The following COPS7B variants were observed in gnomAD, a reference collection of about 807,000 sequenced individuals.
COPS7B encodes the protein COP9 signalosome complex subunit 7b.
A neutral mutation model predicts 33.4 loss-of-function variants in COPS7B; 9 were observed. The ratio of observed to expected loss-of-function variants is 0.27; its 90% CI spans 0.16 to 0.47. COPS7B has a LOEUF of 0.47. Among genes scored for constraint, COPS7B ranks in the 20% least tolerant of loss-of-function variants. The pLI is 0.99. For synonymous variants in COPS7B, 119 were observed against 126.3 expected (o/e 0.94, Z 0.39); for missense variants, 242 against 318.2 (o/e 0.76, Z 1.82).
chr2:231,792,784 T>C (rs2049455660), intron 3 of COPS7B, among the ~76,000 whole-genome samples: 1 of 152,182 alleles, frequency 6.6e-6, no homozygotes, highest in Non-Finnish European at 1.5e-5. Flanking sequence ...AAACACTAAC[T>C]TACCTTCTAC....
chr2:231,784,592 C>T (rs1159965955), upstream of COPS7B, among the ~76,000 whole-genome samples: 1 of 152,178 alleles, frequency 6.6e-6, no homozygotes, highest in East Asian at 1.9e-4. Context: ...TCACACTAAA[C>T]TCACTTGTCT....
upstream of COPS7B, among the ~76,000 whole-genome samples, chr2:231,784,942 A>G (rs1375122417): frequency 6.6e-6 from 1 of 152,186 alleles, no homozygotes; most frequent in Non-Finnish European, 1.5e-5. Context: ...CCTCCAGAGT[A>G]GCTGAGATTA....
intron 6 of COPS7B, among the ~76,000 whole-genome samples, chr2:231,800,914 C>G (rs1203241608): frequency 1.3e-5 from 2 of 152,180 alleles, no homozygotes; most frequent in African/African-American, 4.8e-5. Flanking sequence ...TTAGCAAATG[C>G]ATGATCTGGC....
In COPS7B at chr2:231,786,454, G is replaced by A; in HGVS notation, c.-101G>A. 1.0e-6 allele frequency: 1 copy of A among 986,052 alleles called. No homozygotes were observed. The highest frequency in any genetic ancestry group is 1.2e-6 in the Non-Finnish European group (1 of 830,098). The allele number at this position is 986,052 out of a possible 1,614,324, so 61.1% of individuals were successfully genotyped here. ...GAGACAGAAAAGCGCCGGACGCCGGGGTGATCATGGACGCTTGACAACCTG... is the reference window on the plus strand; with the variant it reads ...GAGACAGAAAAGCGCCGGACGCCGGAGTGATCATGGACGCTTGACAACCTG... On this transcript the variant is annotated 5_prime_UTR_variant, in exon 1 of 7. Coordinates refer to ENST00000350033, the MANE Select transcript of COPS7B (RefSeq NM_022730.4).
chr2:231,785,882 A>C (rs2049227377), upstream of COPS7B, among the ~76,000 whole-genome samples: 3 of 152,318 alleles, frequency 2.0e-5, no homozygotes, highest in East Asian at 5.8e-4. Flanking sequence ...TTATTTTAAA[A>C]CATTTTCTGA....
rs754700543 is a variant in COPS7B, at chr2:231,796,117, C to T, written c.339C>T (p.Tyr113=). ...SLASRMKCIP[Y]SVLLKDLEMR... The stretch of plus-strand genomic sequence containing the variant: ...GGCCTTATCTACAGTGTATCCCCTA[C>T]TCCGTGTTGCTGAAAGACCTGGAGA... Residue 113 remains tyrosine, a synonymous_variant, in exon 5 of 7, where the codon TAC becomes TAT. Coordinates refer to ENST00000350033, the MANE Select transcript of COPS7B (RefSeq NM_022730.4). 7 of 1,613,782 alleles carry T rather than the reference C, an allele frequency of 4.3e-6. No individual in the cohort carries two copies. The highest frequency in any genetic ancestry group is 2.2e-5 in the East Asian group (1 of 44,876).
At chr2:231,800,983 A>G (rs1158979172) in intron 6 of COPS7B, among the ~76,000 whole-genome samples, 2 of 152,224 alleles carry the variant, frequency 1.3e-5, no homozygotes, top group African/African-American at 4.8e-5. Context: ...TACTCACCAA[A>G]TAGCTACTGA....
intron 6 of COPS7B, among the ~76,000 whole-genome samples, chr2:231,799,249 A>G (rs1022695472): frequency 1.3e-5 from 2 of 152,214 alleles, no homozygotes; most frequent in African/African-American, 4.8e-5. Context: ...GCTATAGAGC[A>G]AAAGAAAATG....
intron 4 of COPS7B, among the ~76,000 whole-genome samples, chr2:231,795,745 T>G (rs886117036): frequency 2.0e-5 from 3 of 152,188 alleles, no homozygotes; most frequent in Admixed American, 6.5e-5. Context: ...GTTGGAGATT[T>G]ATGGTGATCT....
chr2:231,786,634 C>A, intron 1 of COPS7B, 96 bp downstream of exon 1: 1 of 518,884 alleles, frequency 1.9e-6, no homozygotes, highest in Non-Finnish European at 2.5e-6. Context: ...AGCCCGCGGC[C>A]GTGCCCGCCC....
intron 3 of COPS7B, chr2:231,792,036 C>T (rs2049432386): frequency 1.5e-6 from 1 of 667,708 alleles, no homozygotes; most frequent in Non-Finnish European, 2.8e-6. Context: ...ACAAATGTAG[C>T]CCTTGTTTGT....
intron 6 of COPS7B, among the ~76,000 whole-genome samples, chr2:231,805,242 C>T (rs986790688): frequency 2.6e-5 from 4 of 151,676 alleles, no homozygotes; most frequent in Admixed American, 2.6e-4. Flanking sequence ...TTGGCTTGCT[C>T]CAGATCATTC....
intron 2 of COPS7B, chr2:231,790,392 C>G (rs1372039265): frequency 6.6e-6 from 1 of 152,180 alleles, no homozygotes; most frequent in African/African-American, 2.4e-5. Context: ...ATTGGATGGT[C>G]TTTACCAGGT....
At chr2:231,781,776 C>G, upstream of COPS7B, 1 of 1,519,066 alleles carries the variant, frequency 6.6e-7, no homozygotes, top group Non-Finnish European at 8.9e-7. Context: ...TTTCGGAATC[C>G]CGAGACTTGA....
intron 6 of COPS7B, among the ~76,000 whole-genome samples, chr2:231,800,852 T>C (rs1273835604): frequency 6.6e-6 from 1 of 152,220 alleles, no homozygotes; most frequent in Non-Finnish European, 1.5e-5. Flanking sequence ...CAGACCAATA[T>C]GGTCTGTTCC....
intron 2 of COPS7B, chr2:231,790,259 A>G (rs2049374472): frequency 6.6e-6 from 1 of 152,276 alleles, no homozygotes; most frequent in South Asian, 2.1e-4. Flanking sequence ...AGATGGATGG[A>G]AAGTAAAGTC....
At chr2:231,801,356 TC>T (rs2106338629) in intron 6 of COPS7B, 1 of 1,423,602 alleles carries the variant, frequency 7.0e-7, no homozygotes, top group South Asian at 1.5e-5. Context: ...ATGAGCTGTT[TC>T]ATTATTTCTG....
At position 231,796,225 on chromosome 2, in the gene COPS7B, C is replaced by T. The variant is rs2049566053; in HGVS notation, c.447C>T (p.Asn149=). 1.2e-6 allele frequency: 2 copies of T among 1,614,192 alleles called. No homozygotes were observed. Among genetic ancestry groups the T allele is most frequent in the Non-Finnish European group, 1.7e-6 (2 of 1,180,048 alleles). ...TCCAGGGCAAGCTGGACCAGCGAAA[C>T]CAGCTGCTGGAAGTGGATTTCTGCA... The part of the protein sequence containing the change: ...DIIQGKLDQR[N]QLLEVDFCIG... Residue 149 remains asparagine, a synonymous_variant, in exon 5 of 7, where the codon AAC becomes AAT. Coordinates refer to ENST00000350033, the MANE Select transcript of COPS7B (RefSeq NM_022730.4).
intron 6 of COPS7B, chr2:231,801,041 TTC>T: frequency 1.1e-6 from 1 of 935,576 alleles, no homozygotes; most frequent in Non-Finnish European, 1.7e-6. Flanking sequence ...TTCTGTCGTA[TTC>T]TGTTTGTATT....
Sources: allele counts gnomAD v4.1 joint callset (sites outside exome capture counted in the v4.1 genomes callset), GRCh38; gene constraint gnomAD v4.1.1; transcripts MANE v1.5; gene names NCBI Gene and HGNC (gene_info 2026-07-23, HGNC 2026-07-21).